Variants in FRMD5 observed in about 807,000 individuals in gnomAD.
FRMD5 encodes the protein FERM domain-containing protein 5.
A neutral mutation model predicts 69.0 loss-of-function variants in FRMD5; 20 were observed. That is an observed-to-expected ratio of 0.29 (90% confidence interval 0.20 to 0.42). The LOEUF (loss-of-function observed/expected upper bound fraction) is 0.42. Among genes scored for constraint, FRMD5 ranks in the 10% least tolerant of loss-of-function variants. The pLI, the probability that FRMD5 is intolerant of heterozygous loss-of-function variation, is 1.00. For synonymous variants in FRMD5, 271 were observed against 260.1 expected, an observed-to-expected ratio of 1.04 and a Z score of -0.40; for missense variants, 595 against 708.6, an observed-to-expected ratio of 0.84 and a Z score of 1.82.
chr15:44,109,453 C>A (rs2076766046), intron 1 of FRMD5, among the ~76,000 whole-genome samples: 1 of 151,716 alleles, frequency 6.6e-6, no homozygotes, highest in Admixed American at 6.6e-5. Context: ...TCTTTGCTTC[C>A]TTTTTTATTT....
At chr15:43,924,342 G>A in intron 1 of FRMD5, 33 bp from the exon 2 acceptor site, 2 of 1,498,746 alleles carry the variant, frequency 1.3e-6, no homozygotes, top group Non-Finnish European at 1.8e-6. Flanking sequence ...TGAGAAATGA[G>A]TGGGTTTCTT....
chr15:44,019,818 C>T (rs1891136819), intron 1 of FRMD5, among the ~76,000 whole-genome samples: 2 of 149,248 alleles, frequency 1.3e-5, no homozygotes, highest in South Asian at 4.3e-4. Context: ...GCACTAAAAT[C>T]CTTGGCACGG....
intron 4 of FRMD5, among the ~76,000 whole-genome samples, chr15:43,918,103 C>A (rs1460494283): frequency 6.6e-6 from 1 of 152,192 alleles, no homozygotes; most frequent in Non-Finnish European, 1.5e-5. Context: ...TTGCTCCTTT[C>A]ACCTGGCATG....
At chr15:43,884,995 T>C (rs1365464381) in intron 11 of FRMD5, 200 bp from the exon 12 acceptor site, 1 of 536,238 alleles carries the variant, frequency 1.9e-6, no homozygotes, top group Non-Finnish European at 3.4e-6. Context: ...CTGAGAGAAC[T>C]CTCTCCATCT....
chr15:43,903,313 AT>A (rs1225973048), intron 6 of FRMD5, among the ~76,000 whole-genome samples: 2 of 152,188 alleles, frequency 1.3e-5, no homozygotes, highest in African/African-American at 4.8e-5. Context: ...TAAGCTTATC[AT>A]TTGCCTCAGG....
intron 1 of FRMD5, among the ~76,000 whole-genome samples, chr15:44,079,581 C>T (rs1215464079): frequency 6.6e-6 from 1 of 151,972 alleles, no homozygotes; most frequent in African/African-American, 2.4e-5. Flanking sequence ...ATAACTATAC[C>T]CATATGATCT....
chr15:44,031,388 A>T (rs1055326752), intron 1 of FRMD5, among the ~76,000 whole-genome samples: 2 of 152,202 alleles, frequency 1.3e-5, no homozygotes, highest in Non-Finnish European at 2.9e-5. Flanking sequence ...GTGGCTTATA[A>T]ACAACAGAAA....
intron 1 of FRMD5, among the ~76,000 whole-genome samples, chr15:43,976,973 G>A (rs2090473483): frequency 6.6e-6 from 1 of 152,102 alleles, no homozygotes; most frequent in Non-Finnish European, 1.5e-5. Context: ...TGGGATTACA[G>A]GTGCATGCCA....
intron 6 of FRMD5, among the ~76,000 whole-genome samples, chr15:43,903,027 G>A (rs1399115794): frequency 2.0e-5 from 3 of 152,214 alleles, no homozygotes; most frequent in African/African-American, 7.2e-5. Context: ...CCAGGAAAAT[G>A]AAAGATGCTG....
At chr15:44,160,197 T>C (rs964721371) in intron 1 of FRMD5, among the ~76,000 whole-genome samples, 1 of 152,074 alleles carries the variant, frequency 6.6e-6, no homozygotes, top group African/African-American at 2.4e-5. Flanking sequence ...CTACTAAAAA[T>C]ACAAAAATTA....
At chr15:44,057,294 CG>C (rs936812781) in intron 1 of FRMD5, among the ~76,000 whole-genome samples, 10 of 151,702 alleles carry the variant, frequency 6.6e-5, no homozygotes, top group African/African-American at 2.4e-4. Context: ...TTAGTAGAGA[CG>C]GGGTTTCACC....
intron 1 of FRMD5, among the ~76,000 whole-genome samples, chr15:44,172,042 G>T (rs1442928437): frequency 6.6e-6 from 1 of 151,434 alleles, no homozygotes; most frequent in Non-Finnish European, 1.5e-5. Context: ...GGGATTACAG[G>T]CATGAGCCAC....
chr15:44,127,142 G>C (rs1397360558), intron 1 of FRMD5, among the ~76,000 whole-genome samples: 1 of 152,162 alleles, frequency 6.6e-6, no homozygotes. Context: ...GAGTGCAGTG[G>C]TGCAATATCG....
intron 1 of FRMD5, among the ~76,000 whole-genome samples, chr15:44,156,672 T>A (rs1283273877): frequency 6.6e-6 from 1 of 152,208 alleles, no homozygotes; most frequent in Non-Finnish European, 1.5e-5. Flanking sequence ...CTGTTGCTTA[T>A]GAACATAAAT....
intron 1 of FRMD5, among the ~76,000 whole-genome samples, chr15:44,151,983 G>A (rs2077454546): frequency 6.6e-6 from 1 of 152,202 alleles, no homozygotes; most frequent in Non-Finnish European, 1.5e-5. Context: ...GCCGCGGTGG[G>A]CAGGTCACTT....
chr15:43,970,401 C>A (rs910841988), intron 1 of FRMD5, among the ~76,000 whole-genome samples: 1 of 152,212 alleles, frequency 6.6e-6, no homozygotes. Context: ...TGCCCTCTCT[C>A]GCTTCAACAT....
intron 1 of FRMD5, among the ~76,000 whole-genome samples, chr15:44,089,073 A>G (rs929270131): frequency 6.6e-6 from 1 of 152,200 alleles, no homozygotes. Context: ...CTCAGGTTTC[A>G]AGAGAAAATA....
intron 1 of FRMD5, among the ~76,000 whole-genome samples, chr15:44,104,863 T>C (rs1371812582): frequency 6.6e-6 from 1 of 152,168 alleles, no homozygotes. Context: ...TTGGTTTCTT[T>C]CATTTAACAT....
chr15:44,081,678 T>C (rs1445221599), intron 1 of FRMD5, among the ~76,000 whole-genome samples: 1 of 152,106 alleles, frequency 6.6e-6, no homozygotes, highest in East Asian at 1.9e-4. Context: ...AACTGATTTA[T>C]ATCCTCCTCA....
Sources: allele counts gnomAD v4.1 joint callset (sites outside exome capture counted in the v4.1 genomes callset), GRCh38; gene constraint gnomAD v4.1.1; transcripts MANE v1.5; gene names NCBI Gene and HGNC (gene_info 2026-07-23, HGNC 2026-07-21).